KIAA1671: variants seen among roughly 807,000 people sequenced by gnomAD.
The protein encoded by KIAA1671 is KIAA1671, also known as uncharacterized protein KIAA1671.
A neutral mutation model predicts 131.2 loss-of-function variants in KIAA1671; 52 were observed. That is an observed-to-expected ratio of 0.40 (90% CI 0.32 to 0.50). The LOEUF (loss-of-function observed/expected upper bound fraction) is 0.50. KIAA1671 is among the 20% of genes least tolerant of loss of function. The probability of loss-of-function intolerance (pLI) is 0.73; values close to 1 mark genes in which losing one functional copy is unlikely to be tolerated. For synonymous variants in KIAA1671, 1,003 were observed against 961.6 expected, an observed-to-expected ratio of 1.04 and a Z score of -0.80; for missense variants, 2,360 against 2,364.2, an observed-to-expected ratio of 1.00 and a Z score of 0.04.
At chr22:25,169,281 T>A (rs1458183874) in intron 6 of KIAA1671, among the ~76,000 whole-genome samples, 1 of 151,914 alleles carries the variant, frequency 6.6e-6, no homozygotes, top group Non-Finnish European at 1.5e-5. Flanking sequence ...TAGCTGGGTG[T>A]GGTAGTGTAT....
chr22:25,178,783 A>C (rs1010146831), intron 9 of KIAA1671, among the ~76,000 whole-genome samples: 3 of 147,314 alleles, frequency 2.0e-5, no homozygotes, highest in South Asian at 2.2e-4. Context: ...GCCCCCACCC[A>C]CCCCCTGCCA....
At chr22:25,181,612 T>C in intron 9 of KIAA1671, 87 bp from the exon 10 acceptor site, 1 of 1,484,676 alleles carries the variant, frequency 6.7e-7, no homozygotes. Context: ...GAGCATTGCA[T>C]GAGATACTGT....
chr22:25,128,743 A>G (rs1322360692), intron 6 of KIAA1671, among the ~76,000 whole-genome samples: 3 of 152,214 alleles, frequency 2.0e-5, no homozygotes, highest in Admixed American at 2.0e-4. Flanking sequence ...TCTCACAGCA[A>G]TGCTAGACTC....
chr22:25,000,033 T>C (rs181940738), intron 1 of KIAA1671, among the ~76,000 whole-genome samples: 2,650 of 150,136 alleles, frequency 0.018, 63 homozygotes, highest in African/African-American at 0.061. Flanking sequence ...TATAGGTGCC[T>C]GCCACCACGC....
At chr22:25,147,615 T>A (rs1208551654) in intron 6 of KIAA1671, among the ~76,000 whole-genome samples, 1 of 152,180 alleles carries the variant, frequency 6.6e-6, no homozygotes, top group African/African-American at 2.4e-5. Context: ...TGCTCAAATG[T>A]TACCTTTTCA....
At chr22:25,089,764 G>T (rs937978059) in intron 6 of KIAA1671, among the ~76,000 whole-genome samples, 6 of 151,940 alleles carry the variant, frequency 3.9e-5, no homozygotes, top group African/African-American at 7.3e-5. Flanking sequence ...CAGACATGTC[G>T]GTCATTTCCA....
intron 1 of KIAA1671, among the ~76,000 whole-genome samples, chr22:24,997,754 C>T (rs1924216661): frequency 6.6e-6 from 1 of 152,160 alleles, no homozygotes; most frequent in Non-Finnish European, 1.5e-5. Context: ...AAAGTACACA[C>T]ATCTTAGGTG....
intron 6 of KIAA1671, among the ~76,000 whole-genome samples, chr22:25,148,064 T>C (rs73162205): frequency 0.29 from 42,717 of 147,670 alleles, 6,192 homozygotes; most frequent in Middle Eastern, 0.3. Context: ...TCTTTTTTTT[T>C]CTCCTCTCTT....
intron 6 of KIAA1671, among the ~76,000 whole-genome samples, chr22:25,084,538 G>A (rs939783400): frequency 6.6e-6 from 1 of 152,044 alleles, no homozygotes; most frequent in Non-Finnish European, 1.5e-5. Flanking sequence ...GATTCTGCAG[G>A]GTGTGCAGGG....
chr22:25,090,848 T>C (rs985313304), intron 6 of KIAA1671, among the ~76,000 whole-genome samples: 8 of 152,230 alleles, frequency 5.3e-5, no homozygotes, highest in African/African-American at 1.9e-4. Context: ...TGTGTTTCTC[T>C]CCACTATTCC....
chr22:25,190,663 C>T (rs1477238687), intron 11 of KIAA1671, 39 bp from the exon 12 acceptor site: 1 of 1,510,208 alleles, frequency 6.6e-7, no homozygotes, highest in Non-Finnish European at 9.0e-7. Context: ...AGCCCACAGT[C>T]TGGTTTCAAC....
intron 4 of KIAA1671, among the ~76,000 whole-genome samples, chr22:25,035,977 G>A (rs1254330495): frequency 2.0e-5 from 3 of 152,152 alleles, no homozygotes; most frequent in Non-Finnish European, 4.4e-5. Flanking sequence ...AGGCCAAGGT[G>A]GGAAGATTGC....
intron 8 of KIAA1671, 47 bp from the exon 9 acceptor site, chr22:25,177,301 G>A: frequency 6.6e-7 from 1 of 1,511,530 alleles, no homozygotes; most frequent in African/African-American, 1.4e-5. Context: ...ACCCTCCATT[G>A]ATGGTTCCCT....
At chr22:24,987,949 G>C (rs1356147330) in intron 1 of KIAA1671, among the ~76,000 whole-genome samples, 1 of 152,160 alleles carries the variant, frequency 6.6e-6, no homozygotes, top group Non-Finnish European at 1.5e-5. Flanking sequence ...CTGCCCTGCA[G>C]GGGGTCCATC....
chr22:25,019,090 GTGTT>G (rs1555954416), intron 1 of KIAA1671, among the ~76,000 whole-genome samples: 1 of 134,242 alleles, frequency 7.4e-6, no homozygotes, highest in Non-Finnish European at 1.7e-5. Context: ...GTGTGTGTGT[GTGTT>G]TTAATTAAGT....
At chr22:25,093,587 C>T (rs1930126448) in intron 6 of KIAA1671, among the ~76,000 whole-genome samples, 1 of 152,050 alleles carries the variant, frequency 6.6e-6, no homozygotes, top group East Asian at 1.9e-4. Context: ...GAAATGAGAA[C>T]ACTTGGTGGG....
At chr22:24,976,486 G>A (rs546695217) in intron 1 of KIAA1671, among the ~76,000 whole-genome samples, 25 of 152,322 alleles carry the variant, frequency 1.6e-4, no homozygotes, top group African/African-American at 5.5e-4. Flanking sequence ...GTTGTGTTGG[G>A]GGCAGCATGG....
At chr22:24,966,735 T>C (rs912312719) in intron 1 of KIAA1671, among the ~76,000 whole-genome samples, 1 of 152,116 alleles carries the variant, frequency 6.6e-6, no homozygotes, top group African/African-American at 2.4e-5. Context: ...GAAGGATTGC[T>C]TGAGCCCAGG....
At position 25,040,237 on chromosome 22, in the gene KIAA1671, A is replaced by G. The variant is rs927722505; in HGVS notation, c.3107A>G (p.Asn1036Ser). Residue 1036 changes from asparagine to serine, a missense_variant, in exon 5 of 13, where the codon AAT becomes AGT. Coordinates refer to ENST00000358431, the MANE Select transcript of KIAA1671 (RefSeq NM_001145206.2). ...TFFAVTYQIPNTQKAKGVVLS... is the reference protein window; with the variant it reads ...TFFAVTYQIPSTQKAKGVVLS... ...TTTGCAGTCACCTATCAGATTCCCAATACTCAAAAGGCAAAGGGTGTGGTT... is the reference window on the plus strand; with the variant it reads ...TTTGCAGTCACCTATCAGATTCCCAGTACTCAAAAGGCAAAGGGTGTGGTT... The G allele has an allele frequency of 5.8e-6, 9 of 1,551,604 alleles. No homozygotes were observed. Among genetic ancestry groups the G allele is most frequent in the East Asian group, 4.9e-5 (2 of 40,930 alleles).
Sources: allele counts gnomAD v4.1 joint callset (sites outside exome capture counted in the v4.1 genomes callset), GRCh38; gene constraint gnomAD v4.1.1; transcripts MANE v1.5; gene names NCBI Gene and HGNC (gene_info 2026-07-23, HGNC 2026-07-21).